PPP2CA: variants seen among roughly 807,000 people sequenced by gnomAD.
The protein encoded by PPP2CA is protein phosphatase 2 catalytic subunit alpha, also known as serine/threonine-protein phosphatase 2A catalytic subunit alpha isoform.
In PPP2CA, 5 loss-of-function variants were observed where a neutral mutation model predicts 38.8. That is an observed-to-expected ratio of 0.13 (90% CI 0.07 to 0.27). The LOEUF (loss-of-function observed/expected upper bound fraction) is 0.27, where lower values mean the gene tolerates loss of function less well. PPP2CA is among the 10% of genes least tolerant of loss of function. The probability of loss-of-function intolerance (pLI) is 1.00; values close to 1 mark genes in which losing one functional copy is unlikely to be tolerated. For synonymous variants in PPP2CA, 152 were observed against 134.0 expected, an observed-to-expected ratio of 1.13 and a Z score of -0.93; for missense variants, 88 against 389.7, an observed-to-expected ratio of 0.23 and a Z score of 6.52.
chr5:134,195,545 G>A lies in PPP2CA; in HGVS notation c.*2227C>T, dbSNP rs1761830847. On this transcript the variant is annotated 3_prime_UTR_variant, in exon 7 of 7. Transcript: ENST00000481195. ...TTACAGGCATGAGCCACTGTGCCAG[G>A]CCTGTTCTTAGGGAAAGCTTTTTAG... The A allele has an allele frequency of 6.6e-6, 1 of 152,230 alleles. No individual in the cohort carries two copies. The highest frequency in any genetic ancestry group is 1.5e-5 in the Non-Finnish European group (1 of 68,058). 9.4% of individuals were successfully genotyped at this position (152,230 alleles called of 1,614,324 possible).
At chr5:134,197,923 C>T in intron 6 of PPP2CA, 79 bp from the exon 7 acceptor site, 2 of 1,184,726 alleles carry the variant, frequency 1.7e-6, no homozygotes, top group Non-Finnish European at 2.5e-6. Flanking sequence ...CATGAGTCTT[C>T]CAAACTTTAC....
At chr5:134,199,394 T>C in intron 5 of PPP2CA, 190 bp from the exon 6 acceptor site, 1 of 400,676 alleles carries the variant, frequency 2.5e-6, no homozygotes, top group Admixed American at 4.3e-5. Context: ...TACACATGTA[T>C]TTATTTTCCC....
chr5:134,206,437 G>C lies in PPP2CA; in HGVS notation c.103-306C>G, dbSNP rs140337065. Among the ~76,000 whole-genome samples, 9 of 152,278 alleles carry C rather than the reference G, an allele frequency of 5.9e-5. No individual in the cohort carries two copies. The East Asian group carries it at 1.7e-3, about 29-fold the overall frequency. On this transcript the variant is annotated intron_variant, in intron 1 of 6. Transcript: ENST00000481195. ...CATAAAACCAATGAAAATCGAACAG[G>C]ACATTCAGGTATCTACTTCCTTACC...
At position 134,226,042 on chromosome 5, in the gene PPP2CA, G is replaced by C. The variant is rs1015558208; in HGVS notation, c.-181C>G. ...CGTCGGCCGCTGCGCCTCCTCCTCCGCTCGCTGAGGCTCCAGAGCTCGGCT... is the reference window on the plus strand; with the variant it reads ...CGTCGGCCGCTGCGCCTCCTCCTCCCCTCGCTGAGGCTCCAGAGCTCGGCT... On this transcript the variant is annotated 5_prime_UTR_variant, in exon 1 of 7. Transcript: ENST00000481195. 2 of 527,918 alleles carry C rather than the reference G, an allele frequency of 3.8e-6. No individual in the cohort carries two copies. Among genetic ancestry groups the C allele is most frequent in the Non-Finnish European group, 6.6e-6 (2 of 301,118 alleles). The allele number at this position is 527,918 out of a possible 1,614,324, so 32.7% of individuals were successfully genotyped here.
intron 3 of PPP2CA, among the ~76,000 whole-genome samples, 167 bp from the exon 4 acceptor site, chr5:134,201,241 G>A (rs1195892850): frequency 6.6e-6 from 1 of 152,204 alleles, no homozygotes. Context: ...GCAAGACCCT[G>A]TGTCTCTACA....
At chr5:134,204,165 C>T (rs1358897159) in intron 2 of PPP2CA, among the ~76,000 whole-genome samples, 1 of 152,246 alleles carries the variant, frequency 6.6e-6, no homozygotes, top group Non-Finnish European at 1.5e-5. Flanking sequence ...AACCACATCT[C>T]ACTGCTTCTC....
intron 1 of PPP2CA, among the ~76,000 whole-genome samples, chr5:134,209,563 T>G (rs1420050224): frequency 6.6e-6 from 1 of 152,070 alleles, no homozygotes; most frequent in Non-Finnish European, 1.5e-5. Flanking sequence ...GTGGATCACT[T>G]GAGGTCAGGA....
At chr5:134,218,672 T>TC (rs1011373346) in intron 1 of PPP2CA, among the ~76,000 whole-genome samples, 14 of 151,072 alleles carry the variant, frequency 9.3e-5, no homozygotes, top group African/African-American at 1.9e-4. Context: ...TTTCTTTCTT[T>TC]TTTTTTTTTT....
Position 134,206,020 on chromosome 5 carries a change from C to CA in PPP2CA, c.213dup (p.Gly72TrpfsTer17). On this transcript the variant is annotated frameshift_variant, in exon 2 of 7. Coordinates refer to ENST00000481195, the MANE Select transcript of PPP2CA (RefSeq NM_002715.4). LOFTEE classifies it high-confidence loss of function. ...TAATTTGTATCTGGTGATTTGCCACCAATTCTAAACAGTTCCATGAGATCA... is the reference window on the plus strand; with the variant it reads ...TAATTTGTATCTGGTGATTTGCCACCAAATTCTAAACAGTTCCATGAGATCA... 6.2e-7 allele frequency: 1 copy of CA among 1,614,020 alleles called. No homozygotes were observed. Among genetic ancestry groups the CA allele is most frequent in the Non-Finnish European group, 8.5e-7 (1 of 1,179,914 alleles).
chr5:134,225,547 G>A, intron 1 of PPP2CA: 1 of 489,414 alleles, frequency 2.0e-6, no homozygotes, highest in Non-Finnish European at 3.6e-6. Flanking sequence ...AGTGAACGGC[G>A]CCATTTTAGG....
Position 134,220,534 on chromosome 5 carries a change from C to G in PPP2CA, c.102+5226G>C, listed in dbSNP as rs1178202654. Among the ~76,000 whole-genome samples, 5 of 149,890 alleles carry G rather than the reference C, an allele frequency of 3.3e-5. No individual in the cohort carries two copies. The South Asian group carries it at 1.1e-3, about 32-fold the overall frequency. The stretch of plus-strand genomic sequence containing the variant: ...TGGTTCTCATCCAATTCAGATCTGC[C>G]TGTGTATGAGTGGAGGTTGACAGCT... On this transcript the variant is annotated intron_variant, in intron 1 of 6. Transcript: ENST00000481195.
chr5:134,221,376 G>T (rs1762438644), intron 1 of PPP2CA, among the ~76,000 whole-genome samples: 1 of 152,196 alleles, frequency 6.6e-6, no homozygotes, highest in Non-Finnish European at 1.5e-5. Context: ...GCCTTCCAAA[G>T]TGCTAGGATT....
At chr5:134,219,786 G>A (rs254049) in intron 1 of PPP2CA, among the ~76,000 whole-genome samples, 2,560 of 152,066 alleles carry the variant, frequency 0.017, 31 homozygotes, top group African/African-American at 0.038. Flanking sequence ...TGAGGCGGGC[G>A]GATCACTTGA....
chr5:134,219,840 G>T (rs1410628781), intron 1 of PPP2CA, among the ~76,000 whole-genome samples: 2 of 151,494 alleles, frequency 1.3e-5, no homozygotes, highest in Non-Finnish European at 2.9e-5. Context: ...ATGAAACCCT[G>T]TCTCTACTAA....
intron 1 of PPP2CA, among the ~76,000 whole-genome samples, chr5:134,222,826 G>A (rs1347391039): frequency 6.6e-6 from 1 of 152,174 alleles, no homozygotes; most frequent in Non-Finnish European, 1.5e-5. Flanking sequence ...AGATGACAAA[G>A]TATACTATAC....
intron 1 of PPP2CA, among the ~76,000 whole-genome samples, chr5:134,221,794 A>C (rs1170416779): frequency 6.6e-6 from 1 of 151,942 alleles, no homozygotes; most frequent in Non-Finnish European, 1.5e-5. Context: ...ACATGGTGAA[A>C]TCCCATCTCT....
At chr5:134,212,489 T>G (rs1489862875) in intron 1 of PPP2CA, among the ~76,000 whole-genome samples, 1 of 152,158 alleles carries the variant, frequency 6.6e-6, no homozygotes, top group African/African-American at 2.4e-5. Context: ...GGCCATTCTG[T>G]CTCTCCCTCT....
chr5:134,215,929 A>G (rs1762310873), intron 1 of PPP2CA, among the ~76,000 whole-genome samples: 1 of 152,238 alleles, frequency 6.6e-6, no homozygotes, highest in South Asian at 2.1e-4. Flanking sequence ...AAATCAGATT[A>G]TGCCATTCAA....
At chr5:134,217,175 G>T (rs181188253) in intron 1 of PPP2CA, among the ~76,000 whole-genome samples, 1 of 152,262 alleles carries the variant, frequency 6.6e-6, no homozygotes, top group East Asian at 1.9e-4. Context: ...AGCTACCCGG[G>T]AGGCTGGGGC....
Sources: allele counts gnomAD v4.1 joint callset (sites outside exome capture counted in the v4.1 genomes callset), GRCh38; gene constraint gnomAD v4.1.1; transcripts MANE v1.5; gene names NCBI Gene and HGNC (gene_info 2026-07-23, HGNC 2026-07-21).